The following DCLK2 variants were observed in gnomAD, a reference collection of about 807,000 sequenced individuals.
The protein encoded by DCLK2 is doublecortin like kinase 2.
In DCLK2, 31 loss-of-function variants were observed where a neutral mutation model predicts 78.4. The ratio of observed to expected loss-of-function variants is 0.40; its 90% confidence interval spans 0.30 to 0.53. DCLK2 has a LOEUF of 0.53. DCLK2 is among the 20% of genes least tolerant of loss of function. DCLK2 has a pLI of 0.61. For missense variants in DCLK2, 872 were observed against 973.7 expected (o/e 0.90, Z 1.39); for synonymous variants, 407 against 374.9 (o/e 1.09, Z -0.99).
At chr4:150,127,424 A>T (rs1732998427) in intron 2 of DCLK2, among the ~76,000 whole-genome samples, 1 of 152,162 alleles carries the variant, frequency 6.6e-6, no homozygotes, top group African/African-American at 2.4e-5. Context: ...TCAATTATTT[A>T]TGTCAGTATG....
At chr4:150,168,081 C>T (rs1462385604) in intron 2 of DCLK2, among the ~76,000 whole-genome samples, 3 of 152,270 alleles carry the variant, frequency 2.0e-5, no homozygotes, top group South Asian at 2.1e-4. Context: ...CGGTGGCTCA[C>T]GCCTGTAATC....
intron 2 of DCLK2, among the ~76,000 whole-genome samples, chr4:150,144,793 GC>G (rs1734347938): frequency 6.6e-6 from 1 of 152,090 alleles, no homozygotes; most frequent in Admixed American, 6.5e-5. Context: ...TCACCATGTT[GC>G]CCAGGCTGGT....
At chr4:150,113,745 T>G (rs910726086) in intron 2 of DCLK2, among the ~76,000 whole-genome samples, 1 of 152,038 alleles carries the variant, frequency 6.6e-6, no homozygotes, top group Admixed American at 6.6e-5. Context: ...TATATCAGTT[T>G]CATTTAGTTT....
chr4:150,256,206 G>A lies in DCLK2; in HGVS notation c.2260G>A (p.Gly754Ser). 1 of 1,540,296 alleles carries A rather than the reference G, an allele frequency of 6.5e-7. No homozygotes were observed. Residue 754 changes from glycine (G) to serine (S), a missense_variant, in exon 16 of 16, where the codon GGT becomes AGT. By Grantham distance (56) the Gly-to-Ser change is moderately conservative. Transcript: ENST00000296550. The stretch of plus-strand genomic sequence containing the variant: ...CCCCCACCCTCCTCCCGCTGCCCCG[G>A]GTGGTGAGCGGGCAGGAACCTGGCG... ...PTPHPPPAAP[G>S]GERAGTWRRH...
intron 10 of DCLK2, among the ~76,000 whole-genome samples, chr4:150,234,540 T>A (rs1446499912): frequency 6.6e-6 from 1 of 152,224 alleles, no homozygotes; most frequent in Middle Eastern, 3.2e-3. Flanking sequence ...TATGCATTGA[T>A]GCACAGCATC....
Position 150,079,166 on chromosome 4 carries a change from A to T in DCLK2, c.139A>T (p.Ser47Cys). 1.2e-6 allele frequency: 2 copies of T among 1,607,886 alleles called. No homozygotes were observed. Among genetic ancestry groups the T allele is most frequent in the East Asian group, 2.2e-5 (1 of 44,788 alleles). ...SGPKGNGLIPSPAHSAHCSFY... is the reference protein window; with the variant it reads ...SGPKGNGLIPCPAHSAHCSFY... ...CCCCAAGGGGAACGGGCTCATCCCC[A>T]GTCCGGCGCACAGTGCCCACTGCAG... Residue 47 changes from serine to cysteine, a missense_variant, in exon 1 of 16, where the codon AGT becomes TGT. By Grantham distance (112) the Ser-to-Cys change is moderately radical. Coordinates refer to ENST00000296550, the MANE Select transcript of DCLK2 (RefSeq NM_001040260.4).
At chr4:150,216,682 C>A (rs1261223657) in intron 5 of DCLK2, among the ~76,000 whole-genome samples, 1 of 152,098 alleles carries the variant, frequency 6.6e-6, no homozygotes, top group South Asian at 2.1e-4. Flanking sequence ...GCACATTTCC[C>A]TTCCTTGCTT....
chr4:150,081,997 C>CAA (rs1216080802), intron 1 of DCLK2, among the ~76,000 whole-genome samples: 27 of 60,148 alleles, frequency 4.5e-4, no homozygotes, highest in South Asian at 1.1e-3. Flanking sequence ...GACTCTGTCT[C>CAA]AAAAAAAAAA....
chr4:150,237,704 T>C (rs1742613008), intron 10 of DCLK2, among the ~76,000 whole-genome samples: 1 of 152,220 alleles, frequency 6.6e-6, no homozygotes, highest in African/African-American at 2.4e-5. Flanking sequence ...AGCAGACTAA[T>C]GGATGATGTT....
intron 1 of DCLK2, among the ~76,000 whole-genome samples, chr4:150,101,681 T>C (rs1457668920): frequency 6.6e-6 from 1 of 152,182 alleles, no homozygotes; most frequent in East Asian, 1.9e-4. Flanking sequence ...AAAATATCAG[T>C]AAACATTGAA....
intron 2 of DCLK2, among the ~76,000 whole-genome samples, chr4:150,175,104 T>TTATATATTTATATATTTGTATATATTTG (rs1560835151): frequency 3.1e-5 from 3 of 98,062 alleles, no homozygotes; most frequent in African/African-American, 1.5e-4. Flanking sequence ...TTATATATAT[T>TTATATATTTATATATTTGTATATATTTG]TATATATTTA....
intron 8 of DCLK2, among the ~76,000 whole-genome samples, chr4:150,230,315 T>C (rs1378013062): frequency 6.6e-6 from 1 of 152,212 alleles, no homozygotes; most frequent in African/African-American, 2.4e-5. Flanking sequence ...AGTCTCCTTA[T>C]GTGGTAGATA....
chr4:150,207,662 C>A (rs1218441981), intron 5 of DCLK2, among the ~76,000 whole-genome samples: 3 of 152,052 alleles, frequency 2.0e-5, no homozygotes, highest in African/African-American at 7.2e-5. Context: ...GATTTTTTTG[C>A]AGGTGAGCAT....
At chr4:150,249,929 C>G (rs971838072) in intron 15 of DCLK2, among the ~76,000 whole-genome samples, 2 of 152,114 alleles carry the variant, frequency 1.3e-5, no homozygotes, top group African/African-American at 4.8e-5. Flanking sequence ...GAGCTCCTGG[C>G]TGGGCCCTCT....
At chr4:150,164,638 A>C (rs527418520) in intron 2 of DCLK2, among the ~76,000 whole-genome samples, 300 of 152,256 alleles carry the variant, frequency 2.0e-3, no homozygotes, top group Middle Eastern at 0.01. Context: ...ATCTCTACTA[A>C]AAATATAAAA....
At chr4:150,189,656 G>A (rs1046101490) in intron 2 of DCLK2, among the ~76,000 whole-genome samples, 1 of 152,144 alleles carries the variant, frequency 6.6e-6, no homozygotes, top group African/African-American at 2.4e-5. Flanking sequence ...GTTAATTGAT[G>A]CCTAGACTTA....
rs112279333 is a variant in DCLK2, at chr4:150,195,482, T to A, written c.859+2242T>A. Among the ~76,000 whole-genome samples, 234 of 97,386 alleles carry A rather than the reference T, an allele frequency of 2.4e-3. 10 individuals carry two copies. The highest frequency in any genetic ancestry group is 8.7e-3 in the African/African-American group (224 of 25,826). The allele number at this position is 97,386 out of a possible 152,430, so 63.9% of individuals were successfully genotyped here. The stretch of plus-strand genomic sequence containing the variant: ...ATATTATATATTATATATATTATTA[T>A]ATAATATATATTATATTATATATCA... On this transcript the variant is annotated intron_variant, in intron 3 of 15. Transcript: ENST00000296550.
chr4:150,080,888 G>C (rs771375977), intron 1 of DCLK2, among the ~76,000 whole-genome samples: 6 of 152,196 alleles, frequency 3.9e-5, no homozygotes, highest in Non-Finnish European at 7.3e-5. Flanking sequence ...CACCCATTCT[G>C]TCAGTTGTGT....
chr4:150,134,348 C>T (rs2150202561), intron 2 of DCLK2, among the ~76,000 whole-genome samples: 1 of 152,150 alleles, frequency 6.6e-6, no homozygotes, highest in East Asian at 1.9e-4. Flanking sequence ...TCCCAAAGTG[C>T]TGGGATTATA....
Sources: allele counts gnomAD v4.1 joint callset (sites outside exome capture counted in the v4.1 genomes callset), GRCh38; gene constraint gnomAD v4.1.1; transcripts MANE v1.5; gene names NCBI Gene and HGNC (gene_info 2026-07-23, HGNC 2026-07-21).